THSD7B: variants seen among roughly 807,000 people sequenced by gnomAD.
THSD7B encodes the protein thrombospondin type-1 domain-containing protein 7B.
Under a neutral mutation model 213.6 loss-of-function variants are expected in THSD7B, and 138 were observed. That is an observed-to-expected ratio of 0.65 (90% CI 0.56 to 0.74). THSD7B has a LOEUF of 0.74. THSD7B is among the 30% of genes least tolerant of loss of function. THSD7B has a pLI of 0.00. For synonymous variants in THSD7B, 742 were observed against 687.0 expected (o/e 1.08, Z -1.25); for missense variants, 1,931 against 1,991.5 (o/e 0.97, Z 0.58).
At chr2:137,107,615 T>A (rs1314297621) in intron 4 of THSD7B, among the ~76,000 whole-genome samples, 1 of 152,170 alleles carries the variant, frequency 6.6e-6, no homozygotes, top group Non-Finnish European at 1.5e-5. Flanking sequence ...TTTCAAAGAA[T>A]CTGGAATTGT....
At chr2:137,187,074 A>T (rs1680565427) in intron 7 of THSD7B, among the ~76,000 whole-genome samples, 1 of 152,196 alleles carries the variant, frequency 6.6e-6, no homozygotes, top group South Asian at 2.1e-4. Flanking sequence ...GATTGGGTAA[A>T]GAAAGTATAG....
intron 8 of THSD7B, 93 bp from the exon 9 acceptor site, chr2:137,232,806 C>A: frequency 8.3e-7 from 1 of 1,202,946 alleles, no homozygotes; most frequent in Admixed American, 2.2e-5. Flanking sequence ...GCTGTGTCAG[C>A]AAAGCTGTCT....
intron 21 of THSD7B, among the ~76,000 whole-genome samples, chr2:137,648,970 G>A (rs1306227734): frequency 6.6e-6 from 1 of 152,086 alleles, no homozygotes; most frequent in African/African-American, 2.4e-5. Flanking sequence ...TTTAGCTGGG[G>A]TAAGATGATA....
chr2:136,855,602 A>ATTATTTAT (rs1553453364), intron 1 of THSD7B, among the ~76,000 whole-genome samples: 1,349 of 19,312 alleles, frequency 0.07, 25 homozygotes, highest in African/African-American at 0.14. Flanking sequence ...TTATTTATTT[A>ATTATTTAT]TTATTTATTT....
chr2:136,766,261 T>C (rs886709810), intron 1 of THSD7B, among the ~76,000 whole-genome samples: 1 of 152,142 alleles, frequency 6.6e-6, no homozygotes, highest in Non-Finnish European at 1.5e-5. Flanking sequence ...TGCAGCTTCC[T>C]CTGATTTATC....
chr2:137,211,525 T>C (rs1681112392), intron 7 of THSD7B, among the ~76,000 whole-genome samples: 1 of 152,100 alleles, frequency 6.6e-6, no homozygotes, highest in African/African-American at 2.4e-5. Context: ...ATTTTAATAC[T>C]ATAATGATGT....
chr2:137,314,796 G>T (rs1194265450), intron 12 of THSD7B, among the ~76,000 whole-genome samples: 3 of 152,208 alleles, frequency 2.0e-5, no homozygotes, highest in African/African-American at 7.2e-5. Context: ...CCTGCTGGGG[G>T]TTGCCTCCCA....
At chr2:137,124,144 T>C (rs1431404101) in intron 5 of THSD7B, among the ~76,000 whole-genome samples, 1 of 152,208 alleles carries the variant, frequency 6.6e-6, no homozygotes, top group Non-Finnish European at 1.5e-5. Flanking sequence ...AAAACCACGC[T>C]GAGACTAGTG....
intron 5 of THSD7B, among the ~76,000 whole-genome samples, chr2:137,128,810 T>C (rs1164830517): frequency 6.6e-6 from 1 of 152,224 alleles, no homozygotes; most frequent in East Asian, 1.9e-4. Context: ...TAATTTCTTC[T>C]TAGCTAAATT....
intron 15 of THSD7B, among the ~76,000 whole-genome samples, chr2:137,460,907 T>C (rs1687871055): frequency 6.6e-6 from 1 of 152,136 alleles, no homozygotes; most frequent in Admixed American, 6.6e-5. Flanking sequence ...TTCAGATTTT[T>C]AACATAATAG....
chr2:136,817,197 A>G (rs1682489582), intron 1 of THSD7B, among the ~76,000 whole-genome samples: 1 of 152,230 alleles, frequency 6.6e-6, no homozygotes, highest in South Asian at 2.1e-4. Context: ...AGTAGAACTT[A>G]CGGAAATATT....
intron 15 of THSD7B, among the ~76,000 whole-genome samples, chr2:137,495,655 C>T (rs1202528592): frequency 6.6e-6 from 1 of 152,086 alleles, no homozygotes; most frequent in African/African-American, 2.4e-5. Flanking sequence ...CTGACAGGTC[C>T]CAAGTATCCA....
At chr2:137,632,314 CCTT>C (rs2104853454) in intron 20 of THSD7B, among the ~76,000 whole-genome samples, 1 of 152,236 alleles carries the variant, frequency 6.6e-6, no homozygotes, top group East Asian at 1.9e-4. Context: ...GAATTTTAAA[CCTT>C]CTAAATATGT....
intron 17 of THSD7B, among the ~76,000 whole-genome samples, chr2:137,582,350 A>G (rs1381018571): frequency 6.6e-6 from 1 of 151,968 alleles, no homozygotes; most frequent in Admixed American, 6.6e-5. Context: ...TGACTTTTTT[A>G]TTATTATATT....
chr2:137,358,829 C>G (rs1685191109), intron 12 of THSD7B, among the ~76,000 whole-genome samples: 1 of 152,158 alleles, frequency 6.6e-6, no homozygotes. Flanking sequence ...GCTTTAGTAG[C>G]TCTACTTTTC....
intron 7 of THSD7B, among the ~76,000 whole-genome samples, chr2:137,198,648 T>C (rs1217289148): frequency 1.3e-5 from 2 of 152,144 alleles, no homozygotes. Context: ...AAAATGTTGT[T>C]ATAAAAAGGC....
At chr2:136,963,408 C>T (rs899170863) in intron 2 of THSD7B, among the ~76,000 whole-genome samples, 4 of 151,844 alleles carry the variant, frequency 2.6e-5, no homozygotes, top group Admixed American at 6.6e-5. Flanking sequence ...TTAGGGAGGC[C>T]GAGGGTGGGG....
chr2:137,113,514 G>A (rs1023258863), intron 4 of THSD7B, among the ~76,000 whole-genome samples: 1 of 151,926 alleles, frequency 6.6e-6, no homozygotes, highest in Non-Finnish European at 1.5e-5. Context: ...TTGGCTCACC[G>A]CACCCTCCGC....
At chr2:137,588,115 G>A (rs966973099) in intron 17 of THSD7B, among the ~76,000 whole-genome samples, 2 of 152,224 alleles carry the variant, frequency 1.3e-5, no homozygotes, top group African/African-American at 4.8e-5. Context: ...GGCTCCAAGG[G>A]CGTGGGACCC....
Sources: gnomAD v4.1 joint callset for allele counts (sites outside exome capture counted in the v4.1 genomes callset) on GRCh38, gnomAD v4.1.1 for gene constraint, MANE v1.5 for transcripts, NCBI Gene and HGNC (gene_info 2026-07-23, HGNC 2026-07-21) for gene names.